Variants in NUP93 observed in about 807,000 individuals in gnomAD.
NUP93 encodes the protein nuclear pore complex protein Nup93.
Under a neutral mutation model 107.8 loss-of-function variants are expected in NUP93, and 55 were observed. That is an observed-to-expected ratio of 0.51 (90% CI 0.41 to 0.64). The LOEUF is 0.64. NUP93 is among the 30% of genes least tolerant of loss of function. NUP93 has a pLI of 0.00. For synonymous variants in NUP93, 390 were observed against 397.5 expected (o/e 0.98, Z 0.22); for missense variants, 937 against 1,044.7 (o/e 0.90, Z 1.42).
intron 7 of NUP93, 57 bp from the exon 8 acceptor site, chr16:56,823,650 A>T: frequency 6.3e-7 from 1 of 1,596,894 alleles, no homozygotes; most frequent in South Asian, 1.1e-5. Flanking sequence ...GCCACAAAGA[A>T]CTAGATAATT....
intron 3 of NUP93, chr16:56,782,763 T>C (rs1340520786): frequency 1.1e-4 from 17 of 152,178 alleles, no homozygotes; most frequent in African/African-American, 3.9e-4. Context: ...TTAGAGATTT[T>C]TTTGAACTAT....
At chr16:56,824,140 G>A (rs1963608885) in intron 8 of NUP93, among the ~76,000 whole-genome samples, 1 of 152,108 alleles carries the variant, frequency 6.6e-6, no homozygotes, top group African/African-American at 2.4e-5. Context: ...AGGCCGTAGT[G>A]CCTTAGGTCA....
intron 1 of NUP93, among the ~76,000 whole-genome samples, chr16:56,740,128 C>A (rs1289642875): frequency 1.2e-5 from 1 of 84,492 alleles, no homozygotes. Flanking sequence ...GGGGGGCTGA[C>A]CCCCCCACCT....
At chr16:56,764,415 G>A (rs1264772761) in intron 3 of NUP93, among the ~76,000 whole-genome samples, 2 of 152,218 alleles carry the variant, frequency 1.3e-5, no homozygotes, top group South Asian at 2.1e-4. Flanking sequence ...ACTTGAACCC[G>A]AGAGGTGGAG....
At chr16:56,839,920 G>T (rs1350051128) in intron 20 of NUP93, 2 of 323,720 alleles carry the variant, frequency 6.2e-6, no homozygotes, top group African/African-American at 2.2e-5. Flanking sequence ...GTGCTAGAGG[G>T]TATTTTAGTG....
intron 3 of NUP93, among the ~76,000 whole-genome samples, chr16:56,792,992 C>G (rs1458801963): frequency 6.6e-6 from 1 of 152,116 alleles, no homozygotes; most frequent in African/African-American, 2.4e-5. Flanking sequence ...AGCTTCTTAC[C>G]TGTAAAATGG....
At chr16:56,825,391 G>A (rs1447253474) in intron 8 of NUP93, among the ~76,000 whole-genome samples, 2 of 151,982 alleles carry the variant, frequency 1.3e-5, no homozygotes, top group African/African-American at 4.8e-5. Context: ...TTTTAGTAGA[G>A]ATGGAGTTTC....
chr16:56,841,520 G>GT (rs1488038922), intron 20 of NUP93, 185 bp from the exon 21 acceptor site: 5 of 657,700 alleles, frequency 7.6e-6, no homozygotes, highest in South Asian at 2.0e-5. Context: ...CATTGCTTGG[G>GT]TTTTTTTCTC....
chr16:56,751,495 C>T (rs1961918898), intron 2 of NUP93, among the ~76,000 whole-genome samples: 3 of 152,186 alleles, frequency 2.0e-5, no homozygotes, highest in South Asian at 4.1e-4. Context: ...AGTGGCCAAG[C>T]CAGAATTTCA....
At chr16:56,839,955 G>A (rs1287546916) in intron 20 of NUP93, 2 of 227,264 alleles carry the variant, frequency 8.8e-6, no homozygotes, top group African/African-American at 2.3e-5. Flanking sequence ...TCTTTAAGTA[G>A]TTCCATTGGG....
Position 56,849,522 on chromosome 16 carries a change from T to A in NUP93, c.*4913T>A, listed in dbSNP as rs531231441. ...AGTGATCCCAGAGGGGACTTCAGCA[T>A]CAGGACATATGCTTTGGTGGCCTCA... On this transcript the variant is annotated 3_prime_UTR_variant, in exon 22 of 22. Coordinates refer to ENST00000308159, the MANE Select transcript of NUP93 (RefSeq NM_014669.5). 7 of 152,306 alleles carry A rather than the reference T, an allele frequency of 4.6e-5. No individual in the cohort carries two copies. Among genetic ancestry groups the A allele is most frequent in the Admixed American group, 4.6e-4 (7 of 15,300 alleles). The allele number at this position is 152,306 out of a possible 1,614,324, so 9.4% of individuals were successfully genotyped here.
At position 56,795,212 on chromosome 16, in the gene NUP93, A is replaced by G. The variant is rs375550234; in HGVS notation, c.298-3264A>G. Among the ~76,000 whole-genome samples the G allele has an allele frequency of 2.0e-4, 30 of 152,142 alleles. No homozygotes were observed. The South Asian group carries it at 5.8e-3, about 29-fold the overall frequency. ...CACAGAGCAGAATCCATGCCTACTC[A>G]TTGTTTGGGAGCATTAGTCATTGAT... On this transcript the variant is annotated intron_variant, in intron 3 of 21. Transcript: ENST00000308159.
At chr16:56,761,627 T>A (rs1178003007) in intron 3 of NUP93, among the ~76,000 whole-genome samples, 2 of 152,170 alleles carry the variant, frequency 1.3e-5, no homozygotes, top group African/African-American at 2.4e-5. Flanking sequence ...AATTATTATG[T>A]CAGTTTATAA....
At chr16:56,798,222 T>C (rs1458129765) in intron 3 of NUP93, among the ~76,000 whole-genome samples, 1 of 152,212 alleles carries the variant, frequency 6.6e-6, no homozygotes, top group Non-Finnish European at 1.5e-5. Flanking sequence ...ACTTTTTACA[T>C]GTTTATGGGA....
At chr16:56,742,713 C>T (rs1458944045) in intron 1 of NUP93, among the ~76,000 whole-genome samples, 1 of 152,188 alleles carries the variant, frequency 6.6e-6, no homozygotes, top group African/African-American at 2.4e-5. Context: ...TTTGTAGCTT[C>T]CTTTGTTTCA....
At position 56,823,761 on chromosome 16, in the gene NUP93, C is replaced by A; in HGVS notation, c.709C>A (p.Pro237Thr). ...VKQMTDVLLT[P>T]ATDALKNRSS... ...ACAAATGACAGACGTGTTGTTGACACCGGCAACGGATGCCCTGAAGAACCG... is the reference window on the plus strand; with the variant it reads ...ACAAATGACAGACGTGTTGTTGACAACGGCAACGGATGCCCTGAAGAACCG... Residue 237 changes from proline to threonine, a missense_variant, in exon 8 of 22, where the codon CCG becomes ACG. Coordinates refer to ENST00000308159, the MANE Select transcript of NUP93 (RefSeq NM_014669.5). 1.2e-6 allele frequency: 2 copies of A among 1,614,196 alleles called. No homozygotes were observed. Among genetic ancestry groups the A allele is most frequent in the South Asian group, 1.1e-5 (1 of 91,088 alleles).
chr16:56,770,028 C>CT (rs1184996539), intron 3 of NUP93, among the ~76,000 whole-genome samples: 3 of 152,216 alleles, frequency 2.0e-5, no homozygotes, highest in Admixed American at 6.5e-5. Context: ...TTATTCACGT[C>CT]TAAGAGTATA....
rs1964133209 is a variant in NUP93, at chr16:56,847,763, AGC to A, written c.*3155_*3156del. The A allele has an allele frequency of 6.6e-6, 1 of 152,188 alleles. No homozygotes were observed. Among genetic ancestry groups the A allele is most frequent in the Non-Finnish European group, 1.5e-5 (1 of 68,046 alleles). The allele number at this position is 152,188 out of a possible 1,614,324, so 9.4% of individuals were successfully genotyped here. On this transcript the variant is annotated 3_prime_UTR_variant, in exon 22 of 22. Transcript: ENST00000308159. ...CACGAGCTGGGCGGGCTCATCAAAGAGCAGGAAGTGCCCATTTTACACTGGGG... is the reference window on the plus strand; with the variant it reads ...CACGAGCTGGGCGGGCTCATCAAAGAAGGAAGTGCCCATTTTACACTGGGG...
At chr16:56,785,140 GT>G (rs1210451669) in intron 3 of NUP93, among the ~76,000 whole-genome samples, 6 of 152,202 alleles carry the variant, frequency 3.9e-5, no homozygotes, top group Admixed American at 3.9e-4. Context: ...AAATGAAAGA[GT>G]TTTAGGTCAG....
Sources: gnomAD v4.1 joint callset for allele counts (sites outside exome capture counted in the v4.1 genomes callset) on GRCh38, gnomAD v4.1.1 for gene constraint, MANE v1.5 for transcripts, NCBI Gene and HGNC (gene_info 2026-07-23, HGNC 2026-07-21) for gene names.